OTUD5: variants seen among roughly 807,000 people sequenced by gnomAD.
OTUD5 encodes the protein OTU domain-containing protein 5.
A neutral mutation model predicts 36.3 loss-of-function variants in OTUD5; 2 were observed. That is an observed-to-expected ratio of 0.06 (90% CI 0.02 to 0.17). The LOEUF (loss-of-function observed/expected upper bound fraction) is 0.17. OTUD5 is among the 10% of genes least tolerant of loss of function. OTUD5 has a pLI of 1.00. For synonymous variants in OTUD5, 234 were observed against 214.9 expected (o/e 1.09, Z -0.78); for missense variants, 233 against 512.3 (o/e 0.45, Z 5.26).
At position 48,957,229 on chromosome X, in the gene OTUD5, G is replaced by A. The variant is rs2064262973; in HGVS notation, c.342C>T (p.Gly114=). 1 of 1,091,201 alleles carries A rather than the reference G, an allele frequency of 9.2e-7. No homozygotes were observed. Among genetic ancestry groups the A allele is most frequent in the Non-Finnish European group, 1.2e-6 (1 of 846,612 alleles). 89.9% of individuals were successfully genotyped at this position (1,091,201 alleles called of 1,213,427 possible). The change falls in exon 1 of 9, where the codon GGC becomes GGT. Residue 114 remains glycine (G), a synonymous_variant. Coordinates refer to ENST00000376488, the MANE Select transcript of OTUD5 (RefSeq NM_001136157.2). ...CCGCCGCCGCTGCGCCCAGCGCGTC[G>A]CCGGGACCGCCGCCGGGACCACCTG... is the stretch of plus-strand genomic sequence containing the variant. ...GGPGGPGGGP[G]DALGAAAAGV...
chrX:48,940,515 C>T (rs2063902088), intron 2 of OTUD5: 1 of 111,990 alleles, frequency 8.9e-6, no homozygotes, highest in Non-Finnish European at 1.9e-5. Flanking sequence ...GAAGAGTGGG[C>T]CTAGCTAATG....
chrX:48,928,254 T>C (rs782423166), intron 5 of OTUD5, among the ~76,000 whole-genome samples: 4 of 111,971 alleles, frequency 3.6e-5, no homozygotes, highest in Non-Finnish European at 7.5e-5. Context: ...AATCCAGCAA[T>C]CTTGCTCCCA....
intron 2 of OTUD5, among the ~76,000 whole-genome samples, chrX:48,943,795 G>A (rs1158553738): frequency 9.1e-6 from 1 of 109,866 alleles, no homozygotes; most frequent in Non-Finnish European, 1.9e-5. Context: ...CCCAGACACT[G>A]AATCCCAACT....
intron 1 of OTUD5, among the ~76,000 whole-genome samples, chrX:48,953,421 C>T (rs1329827220): frequency 9.0e-6 from 1 of 111,507 alleles, no homozygotes; most frequent in Non-Finnish European, 1.9e-5. Flanking sequence ...TTGCCACCTC[C>T]AGGTCCAGAG....
At chrX:48,938,200 A>AG (rs1557050336) in intron 2 of OTUD5, among the ~76,000 whole-genome samples, 1 of 111,523 alleles carries the variant, frequency 9.0e-6, no homozygotes. Context: ...ACAGCTTTTG[A>AG]GGGGGGAAAC....
At chrX:48,929,078 T>G (rs1220621720) in intron 5 of OTUD5, among the ~76,000 whole-genome samples, 1 of 111,072 alleles carries the variant, frequency 9.0e-6, no homozygotes, top group African/African-American at 3.3e-5. Context: ...TGGACCTTAA[T>G]ATATGCTATT....
intron 6 of OTUD5, among the ~76,000 whole-genome samples, chrX:48,925,374 GC>G (rs1557047474): frequency 9.2e-6 from 1 of 108,408 alleles, no homozygotes; most frequent in African/African-American, 3.4e-5. Context: ...ATGCTTGTCT[GC>G]CCCGCCCCTC....
intron 2 of OTUD5, among the ~76,000 whole-genome samples, chrX:48,935,577 T>C (rs376219028): frequency 1.1e-4 from 12 of 109,936 alleles, no homozygotes; most frequent in Non-Finnish European, 2.1e-4. Flanking sequence ...TACTAGAGAG[T>C]TGAGTGACCA....
intron 6 of OTUD5, 42 bp downstream of exon 6, chrX:48,925,805 A>T: frequency 5.5e-6 from 6 of 1,083,637 alleles, no homozygotes; most frequent in Non-Finnish European, 6.3e-6. Context: ...CATGAGAAGT[A>T]ATGAGTTTTT....
chrX:48,939,919 C>T (rs2063892347), intron 2 of OTUD5: 1 of 112,762 alleles, frequency 8.9e-6, no homozygotes, highest in Admixed American at 9.4e-5. Context: ...CAGCAAGTTC[C>T]GCTAAGGGCA....
intron 2 of OTUD5, among the ~76,000 whole-genome samples, chrX:48,936,672 C>A (rs1264765483): frequency 8.9e-6 from 1 of 112,089 alleles, no homozygotes; most frequent in Non-Finnish European, 1.9e-5. Context: ...CAGTTCACAC[C>A]AAAGTCCACC....
At chrX:48,951,350 C>G (rs985115286) in intron 1 of OTUD5, among the ~76,000 whole-genome samples, 2 of 112,271 alleles carry the variant, frequency 1.8e-5, no homozygotes, top group Admixed American at 1.9e-4. Context: ...CGTGGTGGCT[C>G]ACGCCTGTAA....
chrX:48,944,519 T>C (rs2063988627), intron 1 of OTUD5, among the ~76,000 whole-genome samples: 1 of 112,213 alleles, frequency 8.9e-6, no homozygotes, highest in South Asian at 3.7e-4. Context: ...CTGAGAACAG[T>C]GGCCCCATAT....
rs868917531 is a variant in OTUD5, at chrX:48,957,332, C to A, written c.239G>T (p.Arg80Leu). ...PLPGPPGALH[R>L]WALAVPPGAV... ...ACCAGGCGGCACGGCCAGCGCCCAG[C>A]GATGAAGAGCGCCCGGCGGTCCTGG... The change falls in exon 1 of 9, where the codon CGC becomes CTC. Residue 80 changes from arginine (R) to leucine (L), a missense_variant. Coordinates refer to ENST00000376488, the MANE Select transcript of OTUD5 (RefSeq NM_001136157.2). 2 of 1,132,311 alleles carry A rather than the reference C, an allele frequency of 1.8e-6. No homozygotes were observed. The highest frequency in any genetic ancestry group is 3.7e-5 in the East Asian group (1 of 27,133). The allele number at this position is 1,132,311 out of a possible 1,213,427, so 93.3% of individuals were successfully genotyped here. A position where few individuals can be genotyped will look rare whatever the true frequency, so the allele number is the denominator to read the frequency against.
Position 48,923,990 on chromosome X carries a change from C to T in OTUD5, c.1326G>A (p.Glu442=). Residue 442 remains glutamate (E), a synonymous_variant, in exon 7 of 9, where the codon GAG becomes GAA. Transcript: ENST00000376488. ...GCTGCCGCGGGGACCGGCTAGTCCACTCCTCCAGGCCACTGGAGGCTGCTG... is the reference window on the plus strand; with the variant it reads ...GCTGCCGCGGGGACCGGCTAGTCCATTCCTCCAGGCCACTGGAGGCTGCTG... ...ATAAASSGLE[E]WTSRSPRQRS... 1 of 1,209,304 alleles carries T rather than the reference C, an allele frequency of 8.3e-7. No individual in the cohort carries two copies. Among genetic ancestry groups the T allele is most frequent in the Non-Finnish European group, 1.1e-6 (1 of 894,098 alleles).
At chrX:48,937,905 C>T (rs1039245200) in intron 2 of OTUD5, among the ~76,000 whole-genome samples, 3 of 112,099 alleles carry the variant, frequency 2.7e-5, no homozygotes, top group Admixed American at 9.5e-5. Context: ...AATTCCTCAG[C>T]CAGAGGAAAG....
chrX:48,923,534 T>C (rs782024414), intron 8 of OTUD5, 99 bp downstream of exon 8: 2 of 645,317 alleles, frequency 3.1e-6, no homozygotes, highest in East Asian at 3.5e-5. Context: ...CTTGGGGAGA[T>C]GGCCAGAGGC....
chrX:48,932,156 A>G (rs1557048974), intron 5 of OTUD5, among the ~76,000 whole-genome samples: 1 of 67,020 alleles, frequency 1.5e-5, no homozygotes, highest in Non-Finnish European at 2.9e-5. Flanking sequence ...TCTCAAAAAA[A>G]AGATGATAAT....
chrX:48,923,595 C>A, intron 8 of OTUD5, 38 bp downstream of exon 8: 1 of 1,016,638 alleles, frequency 9.8e-7, no homozygotes, highest in Non-Finnish European at 1.4e-6. Flanking sequence ...TCTCCCAGCT[C>A]CTAGCAGCCT....
Sources: allele counts gnomAD v4.1 joint callset (sites outside exome capture counted in the v4.1 genomes callset), GRCh38; gene constraint gnomAD v4.1.1; transcripts MANE v1.5; gene names NCBI Gene and HGNC (gene_info 2026-07-23, HGNC 2026-07-21).